The following ZCCHC14 variants were observed in gnomAD, a reference collection of about 807,000 sequenced individuals.
The protein encoded by ZCCHC14 is zinc finger CCHC domain-containing protein 14.
ZCCHC14 carries 16 observed loss-of-function variants against 85.0 expected under a neutral mutation model. The ratio of observed to expected loss-of-function variants is 0.19; its 90% confidence interval spans 0.13 to 0.29. The LOEUF (loss-of-function observed/expected upper bound fraction) is 0.29, where lower values mean the gene tolerates loss of function less well. Ranked by LOEUF, ZCCHC14 falls within the 10% of genes least tolerant of loss-of-function variation. The pLI is 1.00. For missense variants in ZCCHC14, 1,303 were observed against 1,443.5 expected, an observed-to-expected ratio of 0.90 and a Z score of 1.58; for synonymous variants, 775 against 630.7, an observed-to-expected ratio of 1.23 and a Z score of -3.43.
rs570055394 is a variant in ZCCHC14, at chr16:87,432,285, C to T, written c.768+843G>A. Among the ~76,000 whole-genome samples the T allele has an allele frequency of 9.9e-5, 15 of 152,184 alleles. No homozygotes were observed. The South Asian group carries it at 1.7e-3, about 17-fold the overall frequency. ...TGACTGGGAGCTCGGCACCATCAGC[C>T]GGGACACATTTCCCAGCCTTTTAGG... On this transcript the variant is annotated intron_variant, in intron 3 of 12. Transcript: ENST00000671377.
rs563987707 is a variant in ZCCHC14, at chr16:87,437,234, G to A, written c.695-4033C>T. ...GCCTGTAATCACAGTTACTTGGGAG[G>A]CTGAGGCAGGAGAATCACTTGACCC... On this transcript the variant is annotated intron_variant, in intron 2 of 12. Transcript: ENST00000671377. Among the ~76,000 whole-genome samples, 10 of 151,600 alleles carry A rather than the reference G, an allele frequency of 6.6e-5. No individual in the cohort carries two copies. The East Asian group carries it at 1.7e-3, about 26-fold the overall frequency.
At chr16:87,465,780 C>A (rs1336054023) in intron 1 of ZCCHC14, among the ~76,000 whole-genome samples, 5 of 152,186 alleles carry the variant, frequency 3.3e-5, no homozygotes, top group Admixed American at 1.3e-4. Context: ...CAAGGTAAAT[C>A]TTCACCATGA....
chr16:87,416,338 C>A (rs1220552063), intron 8 of ZCCHC14, among the ~76,000 whole-genome samples: 2 of 152,172 alleles, frequency 1.3e-5, no homozygotes, highest in Non-Finnish European at 2.9e-5. Context: ...GCAAACACAC[C>A]AGCCTCTAAT....
At chr16:87,443,514 C>A (rs560813200) in intron 2 of ZCCHC14, among the ~76,000 whole-genome samples, 18 of 151,806 alleles carry the variant, frequency 1.2e-4, no homozygotes, top group African/African-American at 4.1e-4. Context: ...GGCAGAAGAA[C>A]TGCCTGAGCT....
At chr16:87,464,535 G>A (rs1161901462) in intron 1 of ZCCHC14, among the ~76,000 whole-genome samples, 1 of 152,106 alleles carries the variant, frequency 6.6e-6, no homozygotes, top group African/African-American at 2.4e-5. Flanking sequence ...AGGTCCGTCT[G>A]CCACAACCAC....
chr16:87,426,673 C>T (rs1034735638), intron 3 of ZCCHC14, among the ~76,000 whole-genome samples: 2 of 152,334 alleles, frequency 1.3e-5, no homozygotes, highest in Admixed American at 6.5e-5. Context: ...GGCTCAGCCA[C>T]ACCCCTAAGG....
chr16:87,437,264 A>T (rs1172902930), intron 2 of ZCCHC14, among the ~76,000 whole-genome samples: 1 of 144,350 alleles, frequency 6.9e-6, no homozygotes, highest in Non-Finnish European at 1.5e-5. Flanking sequence ...TGACCCCAGG[A>T]GGCAGAGGTG....
chr16:87,422,673 T>C (rs1475161044), intron 4 of ZCCHC14, among the ~76,000 whole-genome samples: 1 of 149,288 alleles, frequency 6.7e-6, no homozygotes, highest in South Asian at 2.1e-4. Flanking sequence ...GAGGTGGAGG[T>C]TGCAGTGAGC....
chr16:87,461,860 C>A (rs1351978964), intron 1 of ZCCHC14, among the ~76,000 whole-genome samples: 3 of 152,332 alleles, frequency 2.0e-5, no homozygotes, highest in African/African-American at 7.2e-5. Flanking sequence ...AGCAAGAAGC[C>A]CTCCTGGGCT....
chr16:87,422,329 C>A (rs1909141792), intron 4 of ZCCHC14, among the ~76,000 whole-genome samples: 1 of 152,020 alleles, frequency 6.6e-6, no homozygotes, highest in African/African-American at 2.4e-5. Flanking sequence ...CATGGGAGAG[C>A]CGTGGGGCGG....
intron 3 of ZCCHC14, among the ~76,000 whole-genome samples, chr16:87,425,369 G>C (rs1206228638): frequency 6.6e-6 from 1 of 152,096 alleles, no homozygotes; most frequent in African/African-American, 2.4e-5. Context: ...CTGAGGTCAG[G>C]AGTTCAAGAC....
intron 1 of ZCCHC14, among the ~76,000 whole-genome samples, chr16:87,486,444 C>G (rs1912515153): frequency 6.6e-6 from 1 of 152,156 alleles, no homozygotes; most frequent in Non-Finnish European, 1.5e-5. Flanking sequence ...GAGCAACAGG[C>G]TCTACAATGT....
rs1909013811 is a variant in ZCCHC14 at position 87,420,096 on chromosome 16, C to A, written c.951-219G>T. Among the ~76,000 whole-genome samples the A allele has an allele frequency of 6.6e-6, 1 of 152,198 alleles. No homozygotes were observed. Among genetic ancestry groups the A allele is most frequent in the Non-Finnish European group, 1.5e-5 (1 of 68,044 alleles). The stretch of plus-strand genomic sequence containing the variant: ...CCTCTCAATGCTGTATTCATGGCCA[C>A]CAAGGTTGACGACAGCAGTCATGCC... On this transcript the variant is annotated intron_variant, in intron 5 of 12. Transcript: ENST00000671377. The surrounding 1 kb of genome is among the most constrained non-coding windows in gnomAD (Gnocchi z 5.0).
chr16:87,437,043 CTAGA>C (rs879448480), intron 2 of ZCCHC14, among the ~76,000 whole-genome samples: 4 of 152,094 alleles, frequency 2.6e-5, no homozygotes, highest in African/African-American at 9.7e-5. Context: ...AAGCAAATGC[CTAGA>C]TAAATTCAGG....
intron 2 of ZCCHC14, among the ~76,000 whole-genome samples, chr16:87,453,720 AG>A (rs1481526013): frequency 6.6e-6 from 1 of 152,250 alleles, no homozygotes; most frequent in East Asian, 1.9e-4. Flanking sequence ...TCAGAACATG[AG>A]AAAAGCTGGA....
At chr16:87,448,689 T>C (rs928423060) in intron 2 of ZCCHC14, among the ~76,000 whole-genome samples, 5 of 152,218 alleles carry the variant, frequency 3.3e-5, no homozygotes, top group East Asian at 3.8e-4. Flanking sequence ...TCTTTTTTCA[T>C]GGCACCCAGC....
intron 3 of ZCCHC14, among the ~76,000 whole-genome samples, chr16:87,428,191 A>G (rs1223909991): frequency 6.6e-6 from 1 of 152,214 alleles, no homozygotes; most frequent in Non-Finnish European, 1.5e-5. Context: ...CCAGTTACTT[A>G]TATCTTCCTA....
chr16:87,467,616 T>C (rs1195338149), intron 1 of ZCCHC14: 1 of 1,154,702 alleles, frequency 8.7e-7, no homozygotes, highest in Non-Finnish European at 1.3e-6. Flanking sequence ...AGATGACAAC[T>C]TGACTTCCTT....
At position 87,410,249 on chromosome 16, in the gene ZCCHC14, C is replaced by A; in HGVS notation, c.*31G>T. ...TTTAATTTTCCTTATGTCTCCATGGCTTAATAACGTTCTGTTGCCAGAGAA... is the reference window on the plus strand; with the variant it reads ...TTTAATTTTCCTTATGTCTCCATGGATTAATAACGTTCTGTTGCCAGAGAA... On this transcript the variant is annotated 3_prime_UTR_variant, in exon 13 of 13. Transcript: ENST00000671377. The A allele has an allele frequency of 1.3e-6, 1 of 747,826 alleles. No homozygotes were observed. Among genetic ancestry groups the A allele is most frequent in the African/African-American group, 1.7e-5 (1 of 57,230 alleles). 46.3% of individuals were successfully genotyped at this position (747,826 alleles called of 1,614,324 possible).
Sources: allele counts gnomAD v4.1 joint callset (sites outside exome capture counted in the v4.1 genomes callset), GRCh38; gene constraint gnomAD v4.1.1; non-coding constraint Gnocchi (gnomAD v3.1); transcripts MANE v1.5; gene names NCBI Gene and HGNC (gene_info 2026-07-23, HGNC 2026-07-21).